Variants in PCYT1B observed in about 807,000 individuals in gnomAD.
PCYT1B encodes the protein phosphate cytidylyltransferase 1B, choline, also known as choline-phosphate cytidylyltransferase B.
Under a neutral mutation model 26.4 loss-of-function variants are expected in PCYT1B, and 10 were observed. The ratio of observed to expected loss-of-function variants is 0.38; its 90% confidence interval spans 0.23 to 0.64. The LOEUF (loss-of-function observed/expected upper bound fraction) is 0.64. Ranked by LOEUF, PCYT1B falls within the 30% of genes least tolerant of loss-of-function variation. The pLI, the probability that PCYT1B is intolerant of heterozygous loss-of-function variation, is 0.56. For synonymous variants in PCYT1B, 131 were observed against 108.4 expected, an observed-to-expected ratio of 1.21 and a Z score of -1.29; for missense variants, 161 against 292.7, an observed-to-expected ratio of 0.55 and a Z score of 3.28.
chrX:24,672,046 C>T (rs1245474200), intron 1 of PCYT1B, among the ~76,000 whole-genome samples: 3 of 111,922 alleles, frequency 2.7e-5, no homozygotes, highest in African/African-American at 9.7e-5. Context: ...CCTGTAGTCC[C>T]AGCTACTTGG....
intron 1 of PCYT1B, among the ~76,000 whole-genome samples, chrX:24,634,880 G>C (rs1926225295): frequency 8.9e-6 from 1 of 112,029 alleles, no homozygotes; most frequent in Non-Finnish European, 1.9e-5. Flanking sequence ...AAGTTCTGCA[G>C]CCACCACATT....
chrX:24,659,709 T>C (rs1012764030), intron 1 of PCYT1B, among the ~76,000 whole-genome samples: 16 of 111,311 alleles, frequency 1.4e-4, no homozygotes, highest in Non-Finnish European at 3.0e-4. Flanking sequence ...CATCATCCCA[T>C]GGCAGAAAGC....
intron 1 of PCYT1B, among the ~76,000 whole-genome samples, chrX:24,640,385 T>A (rs1282255857): frequency 1.8e-5 from 2 of 112,494 alleles, no homozygotes; most frequent in African/African-American, 6.5e-5. Flanking sequence ...GAGAAATACT[T>A]CTCTGTCTTC....
At chrX:24,660,988 T>C (rs1179573771) in intron 1 of PCYT1B, among the ~76,000 whole-genome samples, 1 of 111,532 alleles carries the variant, frequency 9.0e-6, no homozygotes, top group East Asian at 2.8e-4. Context: ...AATAAGTCTT[T>C]GGTCATCATT....
At chrX:24,577,321 G>A (rs1924052407) in intron 6 of PCYT1B, among the ~76,000 whole-genome samples, 1 of 112,110 alleles carries the variant, frequency 8.9e-6, no homozygotes, top group Admixed American at 9.5e-5. Flanking sequence ...CTGCCTGCAC[G>A]GTTCCTTGAG....
intron 5 of PCYT1B, among the ~76,000 whole-genome samples, chrX:24,580,648 C>A (rs1369870327): frequency 1.8e-5 from 2 of 111,883 alleles, no homozygotes; most frequent in Non-Finnish European, 3.8e-5. Flanking sequence ...AGATATAGAG[C>A]TATAAAGAGG....
At chrX:24,663,321 G>A (rs1927065356) in intron 1 of PCYT1B, among the ~76,000 whole-genome samples, 1 of 112,384 alleles carries the variant, frequency 8.9e-6, no homozygotes, top group African/African-American at 3.2e-5. Flanking sequence ...GTTCTTGAGC[G>A]AGTACTTGAC....
At chrX:24,563,548 T>C (rs888477966) in intron 7 of PCYT1B, among the ~76,000 whole-genome samples, 8 of 111,608 alleles carry the variant, frequency 7.2e-5, no homozygotes, top group East Asian at 5.7e-4. Flanking sequence ...CACAGAGGGC[T>C]GTGCCATGGA....
intron 4 of PCYT1B, among the ~76,000 whole-genome samples, chrX:24,589,176 A>G (rs1160374132): frequency 8.9e-6 from 1 of 112,029 alleles, no homozygotes; most frequent in Non-Finnish European, 1.9e-5. Flanking sequence ...ATCATATTGT[A>G]GTTTTTCCTT....
At chrX:24,613,989 G>GAGAA (rs1239658665) in intron 2 of PCYT1B, among the ~76,000 whole-genome samples, 1 of 102,780 alleles carries the variant, frequency 9.7e-6, no homozygotes, top group Non-Finnish European at 2.0e-5. Flanking sequence ...GAAAGAAAGA[G>GAGAA]AGAAAGAAAG....
Position 24,630,384 on chromosome X carries a change from C to T in PCYT1B, c.118-11300G>A, listed in dbSNP as rs188595591. Among the ~76,000 whole-genome samples the T allele has an allele frequency of 1.4e-4, 16 of 111,376 alleles. No homozygotes were observed. The East Asian group carries it at 2.3e-3, about 16-fold the overall frequency. Reference sequence around the variant, plus strand: ...GATCTCAGCTCACTGCAACCTCCACCCCCTGAGTTCACGCCATTCTCCTGC... The same window carrying T: ...GATCTCAGCTCACTGCAACCTCCACTCCCTGAGTTCACGCCATTCTCCTGC... On this transcript the variant is annotated intron_variant, in intron 1 of 7. Transcript: ENST00000379144.
chrX:24,645,754 C>G (rs1039712810), intron 1 of PCYT1B, among the ~76,000 whole-genome samples: 2 of 111,229 alleles, frequency 1.8e-5, no homozygotes, highest in African/African-American at 6.5e-5. Context: ...TTAAACTGCC[C>G]TAAGAGAAAA....
rs776732045 is a variant in PCYT1B at position 24,619,089 on chromosome X, A to G, written c.118-5T>C. The G allele has an allele frequency of 5.2e-5, 60 of 1,151,508 alleles. No homozygotes were observed. The highest frequency in any genetic ancestry group is 7.1e-5 in the Non-Finnish European group (60 of 842,308). 94.9% of individuals were successfully genotyped at this position (1,151,508 alleles called of 1,213,427 possible). On this transcript the variant is annotated splice_polypyrimidine_tract_variant and splice_region_variant and intron_variant, in intron 1 of 7. Coordinates refer to ENST00000379144, the MANE Select transcript of PCYT1B (RefSeq NM_004845.5). ...TGGGGCAGGTGCAGTCAGGGTCTAGAAGGGAGAAAAAGAAAGGGAATACAG... is the reference window on the plus strand; with the variant it reads ...TGGGGCAGGTGCAGTCAGGGTCTAGGAGGGAGAAAAAGAAAGGGAATACAG...
intron 1 of PCYT1B, among the ~76,000 whole-genome samples, chrX:24,646,090 T>C (rs1464374438): frequency 8.9e-6 from 1 of 111,915 alleles, no homozygotes; most frequent in African/African-American, 3.2e-5. Flanking sequence ...TCTTTTGGAT[T>C]GGGGGACTCA....
At chrX:24,589,476 A>G (rs1473526871) in intron 4 of PCYT1B, among the ~76,000 whole-genome samples, 1 of 112,071 alleles carries the variant, frequency 8.9e-6, no homozygotes, top group African/African-American at 3.2e-5. Context: ...AAAATCATAG[A>G]TATAAAGTTC....
upstream of PCYT1B, among the ~76,000 whole-genome samples, chrX:24,648,983 G>A (rs940192895): frequency 8.9e-6 from 1 of 112,004 alleles, no homozygotes; most frequent in Admixed American, 9.5e-5. Context: ...AAAAGAAGAA[G>A]AAAATGGATT....
upstream of PCYT1B, among the ~76,000 whole-genome samples, chrX:24,649,024 T>C (rs1370504161): frequency 8.9e-6 from 1 of 111,948 alleles, no homozygotes; most frequent in Non-Finnish European, 1.9e-5. Flanking sequence ...TTGACAGTTT[T>C]AGATGCTGGC....
chrX:24,564,204 A>G (rs1244560868), intron 7 of PCYT1B, among the ~76,000 whole-genome samples: 1 of 109,101 alleles, frequency 9.2e-6, no homozygotes, highest in Non-Finnish European at 1.9e-5. Flanking sequence ...AAAAAATCCA[A>G]GATGGTGATG....
intron 1 of PCYT1B, among the ~76,000 whole-genome samples, chrX:24,634,776 A>AAC (rs1926221936): frequency 1.0e-5 from 1 of 100,025 alleles, no homozygotes; most frequent in Admixed American, 1.1e-4. Flanking sequence ...ACAACAACAA[A>AAC]AACATTTCCT....
Sources: gnomAD v4.1 joint callset for allele counts (sites outside exome capture counted in the v4.1 genomes callset) on GRCh38, gnomAD v4.1.1 for gene constraint, MANE v1.5 for transcripts, NCBI Gene and HGNC (gene_info 2026-07-23, HGNC 2026-07-21) for gene names.